The following BICD1 variants were observed in gnomAD, a reference collection of about 807,000 sequenced individuals.
The protein encoded by BICD1 is protein bicaudal D homolog 1.
BICD1 carries 35 observed loss-of-function variants against 92.5 expected under a neutral mutation model. The observed-to-expected ratio is 0.38, with a 90% CI of 0.29 to 0.50. The LOEUF is 0.50. Ranked by LOEUF, BICD1 falls within the 20% of genes least tolerant of loss-of-function variation. The pLI is 0.93. For synonymous variants in BICD1, 429 were observed against 465.1 expected (o/e 0.92, Z 1.00); for missense variants, 950 against 1,189.8 (o/e 0.80, Z 2.97).
intron 1 of BICD1, among the ~76,000 whole-genome samples, chr12:32,162,117 A>G (rs2121499345): frequency 6.6e-6 from 1 of 152,324 alleles, no homozygotes; most frequent in Admixed American, 6.5e-5. Flanking sequence ...TGATGGCAGC[A>G]ACAGCCATCC....
intron 1 of BICD1, chr12:32,108,506 C>T (rs1941577045): frequency 6.1e-6 from 3 of 491,486 alleles, no homozygotes. Context: ...AGCAAATAAC[C>T]ACTTACAAAT....
At chr12:32,204,918 C>T (rs537115877) in intron 1 of BICD1, among the ~76,000 whole-genome samples, 24 of 152,160 alleles carry the variant, frequency 1.6e-4, no homozygotes, top group African/African-American at 4.3e-4. Flanking sequence ...TTCTATTATG[C>T]GAAGCTGGAT....
rs1435771618 is a variant in BICD1, at chr12:32,300,821, T to TA, written c.580-4876_580-4875insA. On this transcript the variant is annotated intron_variant, in intron 3 of 9. Transcript: ENST00000652176. Reference sequence around the variant, plus strand: ...CACCATGCCCAGCTAAATTTTTTTTTTTTGTATTTTTAGTAGAGACAGGGT... The same window carrying TA: ...CACCATGCCCAGCTAAATTTTTTTTTATTTGTATTTTTAGTAGAGACAGGGT... Among the ~76,000 whole-genome samples, 7 of 146,608 alleles carry TA rather than the reference T, an allele frequency of 4.8e-5. No homozygotes were observed. In the South Asian group the frequency reaches 8.4e-4, roughly 18 times the overall value.
chr12:32,148,150 A>AAAAAAAAAAAAAAAC (rs1943173496), intron 1 of BICD1, among the ~76,000 whole-genome samples: 1 of 150,560 alleles, frequency 6.6e-6, no homozygotes, highest in African/African-American at 2.4e-5. Context: ...TCCAAAAAAA[A>AAAAAAAAAAAAAAAC]AAGAATCTGA....
At chr12:32,169,444 A>T (rs1943868630) in intron 1 of BICD1, among the ~76,000 whole-genome samples, 1 of 149,792 alleles carries the variant, frequency 6.7e-6, no homozygotes, top group Non-Finnish European at 1.5e-5. Flanking sequence ...TTTTCCATTA[A>T]TTTTTTTTTT....
intron 2 of BICD1, among the ~76,000 whole-genome samples, chr12:32,239,066 G>A (rs1359713089): frequency 6.7e-6 from 1 of 150,062 alleles, no homozygotes; most frequent in African/African-American, 2.5e-5. Context: ...CTAACATGGC[G>A]AAACCCCGTC....
Position 32,203,643 on chromosome 12 carries a change from A to G in BICD1, c.214-12604A>G, listed in dbSNP as rs1944969306. ...GGTGAAGGTTGCAGGAGGGGAGCTA[A>G]GTAAAAATGCTATATAAACTGCATA... On this transcript the variant is annotated intron_variant, in intron 1 of 9. Transcript: ENST00000652176. Among the ~76,000 whole-genome samples, 3 of 152,306 alleles carry G rather than the reference A, an allele frequency of 2.0e-5. No homozygotes were observed. In the South Asian group the frequency reaches 6.2e-4, roughly 32 times the overall value.
At chr12:32,132,030 C>T (rs1942562741) in intron 1 of BICD1, among the ~76,000 whole-genome samples, 1 of 152,030 alleles carries the variant, frequency 6.6e-6, no homozygotes, top group South Asian at 2.1e-4. Flanking sequence ...GGAGCTGAAT[C>T]CCAAGTGGTC....
rs150279155 is a variant in BICD1, at chr12:32,168,776, C to G, written c.214-47471C>G. ...TCTGACGTCAGGAGTTTGAGTCCAT[C>G]CTGGCCAACATGGTGAAACCCTGAT... On this transcript the variant is annotated intron_variant, in intron 1 of 9. Coordinates refer to ENST00000652176, the MANE Select transcript of BICD1 (RefSeq NM_001714.4). 3.9e-5 allele frequency among the ~76,000 whole-genome samples: 6 copies of G among 152,208 alleles called. No individual in the cohort carries two copies. The East Asian group carries it at 9.7e-4, about 24-fold the overall frequency.
chr12:32,342,206 A>G lies in BICD1; in HGVS notation c.2764+3227A>G, dbSNP rs2388983. Among the ~76,000 whole-genome samples, 318 of 41,924 alleles carry G rather than the reference A, an allele frequency of 7.6e-3. 1 individual carries two copies. The highest frequency in any genetic ancestry group is 0.028 in the South Asian group (42 of 1,526). 27.5% of individuals were successfully genotyped at this position (41,924 alleles called of 152,430 possible). Reference sequence around the variant, plus strand: ...TGTATATATATATGTGTGTGTGTGTATATATATATATATATATATATATAT... The same window carrying G: ...TGTATATATATATGTGTGTGTGTGTGTATATATATATATATATATATATAT... On this transcript the variant is annotated intron_variant, in intron 8 of 9. Coordinates refer to ENST00000652176, the MANE Select transcript of BICD1 (RefSeq NM_001714.4).
At chr12:32,252,029 T>TTATAATATATATTTATAATAAATATTA (rs1946543404) in intron 2 of BICD1, among the ~76,000 whole-genome samples, 1 of 72,086 alleles carries the variant, frequency 1.4e-5, no homozygotes, top group Non-Finnish European at 2.7e-5. Flanking sequence ...TATCATATAT[T>TTATAATATATATTTATAATAAATATTA]TATAATATAT....
chr12:32,107,594 G>A (rs1036801681), intron 1 of BICD1, 50 bp downstream of exon 1: 9 of 1,518,410 alleles, frequency 5.9e-6, no homozygotes, highest in Non-Finnish European at 8.0e-6. Context: ...CCCCCCACCC[G>A]CAAGGCCCAC....
At chr12:32,246,404 A>T (rs981401189) in intron 2 of BICD1, among the ~76,000 whole-genome samples, 19 of 151,934 alleles carry the variant, frequency 1.3e-4, no homozygotes, top group Non-Finnish European at 2.2e-4. Flanking sequence ...TTGGGTGGCC[A>T]AGGTGGGAGG....
chr12:32,112,276 G>A (rs965890213), intron 1 of BICD1, among the ~76,000 whole-genome samples: 1 of 152,192 alleles, frequency 6.6e-6, no homozygotes, highest in African/African-American at 2.4e-5. Flanking sequence ...AAAGTGCTGG[G>A]ATTACAGGCG....
chr12:32,192,550 C>T (rs1191871626), intron 1 of BICD1, among the ~76,000 whole-genome samples: 2 of 151,012 alleles, frequency 1.3e-5, no homozygotes, highest in South Asian at 2.1e-4. Flanking sequence ...TCAAACCAAC[C>T]ACAACATTCC....
rs1159391821 is a variant in BICD1, at chr12:32,328,408, T to G, written c.1953T>G (p.Arg651=). Residue 651 remains arginine (R), a synonymous_variant, in exon 5 of 10, where the codon CGT becomes CGG. Coordinates refer to ENST00000652176, the MANE Select transcript of BICD1 (RefSeq NM_001714.4). The surrounding 1 kb of genome is among the most constrained non-coding windows in gnomAD (Gnocchi z 4.4). ...TGGACCGGTCCTTGCAACTGTCTCG[T>G]CAAAGAGCAGCGGCTCGGGAGCTAG... ...KAVDRSLQLS[R]QRAAARELAP... 1 of 1,614,170 alleles carries G rather than the reference T, an allele frequency of 6.2e-7. No homozygotes were observed.
chr12:32,299,883 A>C (rs16919660), intron 3 of BICD1, among the ~76,000 whole-genome samples: 16,343 of 152,098 alleles, frequency 0.11, 1,148 homozygotes, highest in East Asian at 0.2. Context: ...AACTAAATTA[A>C]TGTCTTCAAG....
chr12:32,170,613 G>A (rs1041371507), intron 1 of BICD1, among the ~76,000 whole-genome samples: 2 of 152,268 alleles, frequency 1.3e-5, no homozygotes, highest in East Asian at 1.9e-4. Context: ...GCCACTGTAC[G>A]GATTGTAGAG....
chr12:32,245,243 G>GTTTTTTTTTTT, intron 2 of BICD1, among the ~76,000 whole-genome samples: 2 of 119,882 alleles, frequency 1.7e-5, no homozygotes, highest in African/African-American at 2.8e-5. Context: ...GCTTAGTTTT[G>GTTTTTTTTTTT]TTTTTTGTTT....
Sources: gnomAD v4.1 joint callset for allele counts (sites outside exome capture counted in the v4.1 genomes callset) on GRCh38, gnomAD v4.1.1 for gene constraint, Gnocchi (gnomAD v3.1) non-coding constraint, MANE v1.5 for transcripts, NCBI Gene and HGNC (gene_info 2026-07-23, HGNC 2026-07-21) for gene names.